BICC1: variants seen among roughly 807,000 people sequenced by gnomAD.
BICC1 encodes the protein BicC family RNA binding protein 1, also known as protein bicaudal C homolog 1.
BICC1 carries 43 observed loss-of-function variants against 111.0 expected under a neutral mutation model. That is an observed-to-expected ratio of 0.39 (90% confidence interval 0.30 to 0.50). The LOEUF is 0.50. BICC1 is among the 20% of genes least tolerant of loss of function. BICC1 has a pLI of 0.88. For synonymous variants in BICC1, 467 were observed against 434.4 expected (o/e 1.07, Z -0.93); for missense variants, 1,091 against 1,203.2 (o/e 0.91, Z 1.38).
chr10:58,669,908 C>T (rs564625040), intron 2 of BICC1, among the ~76,000 whole-genome samples: 14 of 152,180 alleles, frequency 9.2e-5, no homozygotes, highest in Admixed American at 5.2e-4. Context: ...GCATTGCTCA[C>T]AAATCCATTA....
In BICC1 at chr10:58,697,080, C is replaced by T. The variant is rs148572468; in HGVS notation, c.238-4994C>T. ...AACGTGTTTCCCAACTTTCAGGTAA[C>T]ATTTCACACAACTGGGAGGCATCAG... On this transcript the variant is annotated intron_variant, in intron 2 of 20. Coordinates refer to ENST00000373886, the MANE Select transcript of BICC1 (RefSeq NM_001080512.3). Among the ~76,000 whole-genome samples the T allele has an allele frequency of 7.8e-3, 1,184 of 152,324 alleles. 13 individuals carry two copies. Among genetic ancestry groups the T allele is most frequent in the Admixed American group, 0.016 (249 of 15,302 alleles).
Position 58,653,009 on chromosome 10 carries a change from G to T in BICC1, c.237+32108G>T, listed in dbSNP as rs145735884. ...ACACTGGAACATTTTGGGCATGCAG[G>T]TGAGGGGTTTAATCACCAACGTAAG... is the stretch of plus-strand genomic sequence containing the variant. On this transcript the variant is annotated intron_variant, in intron 2 of 20. Transcript: ENST00000373886. Among the ~76,000 whole-genome samples the T allele has an allele frequency of 1.4e-3, 214 of 152,246 alleles. 1 individual carries two copies. The highest frequency in any genetic ancestry group is 4.8e-3 in the African/African-American group (201 of 41,542).
chr10:58,739,899 A>G (rs1050176142), intron 3 of BICC1, among the ~76,000 whole-genome samples: 1 of 152,194 alleles, frequency 6.6e-6, no homozygotes, highest in African/African-American at 2.4e-5. Flanking sequence ...TGAATTTGAC[A>G]GTTGGAACAA....
At chr10:58,759,156 T>C (rs1190454534) in intron 3 of BICC1, among the ~76,000 whole-genome samples, 3 of 151,784 alleles carry the variant, frequency 2.0e-5, no homozygotes, top group African/African-American at 7.3e-5. Flanking sequence ...GACGGGGTTT[T>C]GTCATGTTGG....
intron 1 of BICC1, among the ~76,000 whole-genome samples, chr10:58,520,377 G>A (rs949164474): frequency 3.3e-5 from 5 of 151,978 alleles, no homozygotes; most frequent in Admixed American, 6.6e-5. Flanking sequence ...AATCCTTATC[G>A]TACTACCATC....
intron 1 of BICC1, among the ~76,000 whole-genome samples, chr10:58,527,568 A>C (rs539424519): frequency 6.6e-6 from 1 of 152,182 alleles, no homozygotes; most frequent in Non-Finnish European, 1.5e-5. Context: ...CTAACATTTA[A>C]GTCTTTAATC....
chr10:58,601,306 C>A (rs1228047425), intron 1 of BICC1, among the ~76,000 whole-genome samples: 1 of 151,104 alleles, frequency 6.6e-6, no homozygotes, highest in African/African-American at 2.4e-5. Flanking sequence ...AATCATGTTT[C>A]ACATGTAATT....
upstream of BICC1, among the ~76,000 whole-genome samples, chr10:58,512,698 G>A (rs1435798745): frequency 6.6e-6 from 1 of 151,970 alleles, no homozygotes. Context: ...GCAGAAAGTG[G>A]CAGTGTGTAC....
chr10:58,829,028 C>T lies in BICC1; in HGVS notation c.*137C>T, dbSNP rs559718864. ...CCAAAGCATTTTATTCGCACCTGTACTTTATGGCAAAAAGGAAGAAGAGAG... is the reference window on the plus strand; with the variant it reads ...CCAAAGCATTTTATTCGCACCTGTATTTTATGGCAAAAAGGAAGAAGAGAG... On this transcript the variant is annotated 3_prime_UTR_variant, in exon 21 of 21. Coordinates refer to ENST00000373886, the MANE Select transcript of BICC1 (RefSeq NM_001080512.3). The T allele has an allele frequency of 3.8e-5, 36 of 938,980 alleles. 1 individual carries two copies. The African/African-American group carries it at 5.3e-4, about 14-fold the overall frequency. 58.2% of individuals were successfully genotyped at this position (938,980 alleles called of 1,614,324 possible). A position where few individuals can be genotyped will look rare whatever the true frequency, so the allele number is the denominator to read the frequency against.
intron 1 of BICC1, among the ~76,000 whole-genome samples, chr10:58,589,016 T>G (rs1844516827): frequency 6.6e-6 from 1 of 152,170 alleles, no homozygotes; most frequent in African/African-American, 2.4e-5. Flanking sequence ...CTGTGACTGC[T>G]GTCCAAGGAC....
intron 15 of BICC1, among the ~76,000 whole-genome samples, chr10:58,804,791 T>C (rs1267852398): frequency 2.0e-5 from 3 of 152,174 alleles, no homozygotes; most frequent in Admixed American, 2.0e-4. Flanking sequence ...TAGTGAACAG[T>C]TGACTCTTAA....
intron 1 of BICC1, among the ~76,000 whole-genome samples, chr10:58,593,995 T>C (rs1443837994): frequency 1.3e-5 from 2 of 151,800 alleles, no homozygotes; most frequent in African/African-American, 4.8e-5. Context: ...TGAGACGAAT[T>C]GCTAACTAGA....
chr10:58,664,965 C>A (rs1838963872), intron 2 of BICC1, among the ~76,000 whole-genome samples: 2 of 152,076 alleles, frequency 1.3e-5, no homozygotes. Flanking sequence ...CTACATTGAG[C>A]TTAATATGAG....
chr10:58,803,193 A>C lies in BICC1; in HGVS notation c.2132A>C (p.Asn711Thr), dbSNP rs138916713. The C allele has an allele frequency of 0.014, 22,066 of 1,609,116 alleles. 205 individuals are homozygous for C. The highest frequency in any genetic ancestry group is 0.016 in the Non-Finnish European group (18,429 of 1,177,538). ...GAGAGGGCAGCAGCTGCCCAGCAAA[A>C]CTCCGAAAGGGCCCACCTTGCTCCA... Reference protein sequence around the residue: ...AAERAAAAQQNSERAHLAPRS... With the variant: ...AAERAAAAQQTSERAHLAPRS... The change falls in exon 15 of 21, where the codon AAC becomes ACC. Residue 711 changes from asparagine (N) to threonine (T), a missense_variant. By Grantham distance (65) the Asn-to-Thr change is moderately conservative. Around this residue, in one of 3 missense-constraint regions of BICC1, gnomAD observed 843 missense variants for 900.8 expected, o/e 0.94. Coordinates refer to ENST00000373886, the MANE Select transcript of BICC1 (RefSeq NM_001080512.3).
At chr10:58,584,397 G>A (rs940145735) in intron 1 of BICC1, among the ~76,000 whole-genome samples, 7 of 152,108 alleles carry the variant, frequency 4.6e-5, no homozygotes, top group African/African-American at 1.4e-4. Context: ...AATTAGGGCC[G>A]GTTCTGGTGC....
intron 3 of BICC1, among the ~76,000 whole-genome samples, chr10:58,715,067 C>CAA (rs553874247): frequency 1.6e-5 from 2 of 123,910 alleles, no homozygotes; most frequent in African/African-American, 5.7e-5. Context: ...GACTCTGTCT[C>CAA]AAAAAAAAAA....
At chr10:58,527,748 G>A (rs1842582969) in intron 1 of BICC1, among the ~76,000 whole-genome samples, 1 of 151,854 alleles carries the variant, frequency 6.6e-6, no homozygotes, top group Non-Finnish European at 1.5e-5. Flanking sequence ...TAGACCAATG[G>A]AACAGAACAG....
chr10:58,658,990 A>ATG (rs36113301), intron 2 of BICC1, among the ~76,000 whole-genome samples: 150,118 of 152,164 alleles, frequency 0.99, 74,079 homozygotes, highest in East Asian at 1. Flanking sequence ...ATGTGTATGA[A>ATG]TGTGTGTATG....
rs1843029867 is a variant in BICC1 at position 58,787,038 on chromosome 10, T to C, written c.503T>C (p.Phe168Ser). The stretch of plus-strand genomic sequence containing the variant: ...GAAGAAACCGGATGCCATATCCACT[T>C]TCCAGATTCCAACAGGAATAACCAA... ...VMEETGCHIHFPDSNRNNQAE... is the reference protein window; with the variant it reads ...VMEETGCHIHSPDSNRNNQAE... Residue 168 changes from phenylalanine to serine, a missense_variant, in exon 5 of 21, where the codon TTT (phenylalanine) becomes TCT (serine). Coordinates refer to ENST00000373886, the MANE Select transcript of BICC1 (RefSeq NM_001080512.3). 6.2e-7 allele frequency: 1 copy of C among 1,601,106 alleles called. No homozygotes were observed. Among genetic ancestry groups the C allele is most frequent in the Non-Finnish European group, 8.5e-7 (1 of 1,175,140 alleles).
Sources: allele counts gnomAD v4.1 joint callset (sites outside exome capture counted in the v4.1 genomes callset), GRCh38; gene constraint gnomAD v4.1.1; regional missense constraint gnomAD v4.1.1; transcripts MANE v1.5; gene names NCBI Gene and HGNC (gene_info 2026-07-23, HGNC 2026-07-21).